The following EFCAB6 variants were observed in gnomAD, a reference collection of about 807,000 sequenced individuals.
The protein encoded by EFCAB6 is EF-hand calcium-binding domain-containing protein 6.
In EFCAB6, 156 loss-of-function variants were observed where a neutral mutation model predicts 169.8. The observed-to-expected ratio is 0.92, with a 90% CI of 0.81 to 1.05. The LOEUF (loss-of-function observed/expected upper bound fraction) is 1.05. Ranked by LOEUF, EFCAB6 falls within the 50% of genes least tolerant of loss-of-function variation. The pLI is 0.00. For synonymous variants in EFCAB6, 698 were observed against 676.4 expected (o/e 1.03, Z -0.50); for missense variants, 1,800 against 1,829.1 (o/e 0.98, Z 0.29).
intron 6 of EFCAB6, among the ~76,000 whole-genome samples, chr22:43,740,958 G>C (rs1158711623): frequency 6.6e-6 from 1 of 152,172 alleles, no homozygotes; most frequent in African/African-American, 2.4e-5. Flanking sequence ...GCAGCAACCT[G>C]GCAGCGAGCT....
intron 6 of EFCAB6, among the ~76,000 whole-genome samples, chr22:43,748,536 T>A (rs2060644766): frequency 6.6e-6 from 1 of 152,192 alleles, no homozygotes; most frequent in African/African-American, 2.4e-5. Context: ...CAAGCTCCAA[T>A]ATCACCTTCC....
chr22:43,699,939 G>A (rs1325983579), intron 10 of EFCAB6, among the ~76,000 whole-genome samples: 3 of 152,198 alleles, frequency 2.0e-5, no homozygotes, highest in South Asian at 2.1e-4. Context: ...ATGGAAGGAC[G>A]ATGTATGATC....
intron 7 of EFCAB6, 23 bp from the exon 8 acceptor site, chr22:43,731,834 TA>T: frequency 6.9e-7 from 1 of 1,442,408 alleles, no homozygotes; most frequent in Middle Eastern, 1.8e-4. Context: ...TGTTCTTTAG[TA>T]ATGAGAAATT....
In EFCAB6 at chr22:43,550,320, T is replaced by C. The variant is rs1461828080; in HGVS notation, c.3648+4549A>G. 2.0e-5 allele frequency among the ~76,000 whole-genome samples: 3 copies of C among 152,166 alleles called. No homozygotes were observed. The East Asian group carries it at 5.8e-4, about 29-fold the overall frequency. On this transcript the variant is annotated intron_variant, in intron 27 of 31. Coordinates refer to ENST00000262726, the MANE Select transcript of EFCAB6 (RefSeq NM_022785.4). ...AGTCCACCTGCCTGAAGGGTTTTGTTTCCTGTGAGCATCATTCTCACTTCC... is the reference window on the plus strand; with the variant it reads ...AGTCCACCTGCCTGAAGGGTTTTGTCTCCTGTGAGCATCATTCTCACTTCC...
chr22:43,650,792 C>G (rs145362931), intron 17 of EFCAB6, among the ~76,000 whole-genome samples: 1 of 152,140 alleles, frequency 6.6e-6, no homozygotes, highest in African/African-American at 2.4e-5. Flanking sequence ...TTGTTGGGAA[C>G]TGGAGCAAAG....
chr22:43,589,320 A>AAAG (rs1569207678), intron 24 of EFCAB6, among the ~76,000 whole-genome samples: 2 of 59,772 alleles, frequency 3.3e-5, no homozygotes, highest in Non-Finnish European at 3.6e-5. Flanking sequence ...AAAAAAAAAA[A>AAAG]AGAAGTACAG....
chr22:43,568,405 T>G (rs565481429), intron 26 of EFCAB6, among the ~76,000 whole-genome samples: 2 of 152,316 alleles, frequency 1.3e-5, no homozygotes, highest in African/African-American at 4.8e-5. Flanking sequence ...CATGACCTCA[T>G]AGAATCACTG....
intron 27 of EFCAB6, chr22:43,553,152 A>ACCTTCCCTTACCTTCCCTTCCCTTCC (rs1300696814): frequency 4.6e-5 from 7 of 152,168 alleles, no homozygotes; most frequent in Non-Finnish European, 7.3e-5. Context: ...CCCTATGAAT[A>ACCTTCCCTTACCTTCCCTTCCCTTCC]CTTCCAAGGC....
chr22:43,763,231 G>T (rs2147915074), intron 5 of EFCAB6, among the ~76,000 whole-genome samples: 1 of 152,156 alleles, frequency 6.6e-6, no homozygotes, highest in East Asian at 1.9e-4. Flanking sequence ...TAGAGATGGG[G>T]TTTTGCTACG....
chr22:43,733,050 T>C (rs2060010639), intron 7 of EFCAB6, among the ~76,000 whole-genome samples: 1 of 152,242 alleles, frequency 6.6e-6, no homozygotes, highest in Admixed American at 6.5e-5. Flanking sequence ...GCCATGTAGT[T>C]ATTTCAATGC....
chr22:43,667,226 T>C lies in EFCAB6; in HGVS notation c.1861A>G (p.Thr621Ala), dbSNP rs2057303977. The C allele has an allele frequency of 6.2e-7, 1 of 1,614,144 alleles. No individual in the cohort carries two copies. The highest frequency in any genetic ancestry group is 8.5e-7 in the Non-Finnish European group (1 of 1,179,988). Reference sequence around the variant, plus strand: ...TTGAATTTTTCAATCACTTCTTCTGTGGTCATCTTCTTGGTCAGGGTGGTT... The same window carrying C: ...TTGAATTTTTCAATCACTTCTTCTGCGGTCATCTTCTTGGTCAGGGTGGTT... ...DKTTLTKKMT[T>A]EEVIEKFKKC... Residue 621 changes from threonine to alanine, a missense_variant, in exon 17 of 32, where the codon ACA becomes GCA. Coordinates refer to ENST00000262726, the MANE Select transcript of EFCAB6 (RefSeq NM_022785.4).
At chr22:43,529,512 G>A (rs771497845) in intron 31 of EFCAB6, among the ~76,000 whole-genome samples, 18 of 152,208 alleles carry the variant, frequency 1.2e-4, no homozygotes, top group Admixed American at 2.6e-4. Context: ...CCAGCTAACC[G>A]GGAACATGTC....
intron 2 of EFCAB6, among the ~76,000 whole-genome samples, chr22:43,803,477 C>G (rs1384534761): frequency 6.6e-6 from 1 of 152,082 alleles, no homozygotes; most frequent in Non-Finnish European, 1.5e-5. Flanking sequence ...TGCCCATGTC[C>G]TGCTGAAATA....
At chr22:43,625,828 T>G (rs1404012343) in intron 20 of EFCAB6, among the ~76,000 whole-genome samples, 2 of 152,220 alleles carry the variant, frequency 1.3e-5, no homozygotes, top group Non-Finnish European at 2.9e-5. Context: ...GTAGGAGGCA[T>G]CAGTTCCCGA....
intron 13 of EFCAB6, among the ~76,000 whole-genome samples, chr22:43,675,641 T>TC (rs1420930012): frequency 1.4e-5 from 2 of 146,646 alleles, no homozygotes; most frequent in Non-Finnish European, 3.0e-5. Flanking sequence ...TCAATTATTG[T>TC]TATATAAAGT....
In EFCAB6 at chr22:43,660,511, T is replaced by C. The variant is rs145922158; in HGVS notation, c.1983+6593A>G. 2.9e-3 allele frequency among the ~76,000 whole-genome samples: 434 copies of C among 151,542 alleles called. 3 individuals are homozygous for C. The highest frequency in any genetic ancestry group is 0.01 in the African/African-American group (422 of 41,428). On this transcript the variant is annotated intron_variant, in intron 17 of 31. Coordinates refer to ENST00000262726, the MANE Select transcript of EFCAB6 (RefSeq NM_022785.4). The stretch of plus-strand genomic sequence containing the variant: ...GCACTCAGCCCCCAATTTTTGTATA[T>C]AGATATAAAATAAGTATACATATTT...
At chr22:43,734,048 C>A (rs1037660730) in intron 7 of EFCAB6, among the ~76,000 whole-genome samples, 1 of 152,016 alleles carries the variant, frequency 6.6e-6, no homozygotes, top group East Asian at 1.9e-4. Context: ...TTGACAAGGC[C>A]CAGGAGCTAC....
At chr22:43,793,092 G>T (rs2062367644) in intron 2 of EFCAB6, among the ~76,000 whole-genome samples, 3 of 152,112 alleles carry the variant, frequency 2.0e-5, no homozygotes, top group African/African-American at 7.2e-5. Flanking sequence ...TGAGGAGTAA[G>T]ATAATCACCC....
At chr22:43,599,756 T>C (rs565979319) in intron 23 of EFCAB6, among the ~76,000 whole-genome samples, 18 of 152,234 alleles carry the variant, frequency 1.2e-4, no homozygotes, top group African/African-American at 4.3e-4. Flanking sequence ...TGAGCCTGCA[T>C]TCTATTTGGG....
Sources: gnomAD v4.1 joint callset for allele counts (sites outside exome capture counted in the v4.1 genomes callset) on GRCh38, gnomAD v4.1.1 for gene constraint, MANE v1.5 for transcripts, NCBI Gene and HGNC (gene_info 2026-07-23, HGNC 2026-07-21) for gene names.